ARHGEF40: variants seen among roughly 807,000 people sequenced by gnomAD.
ARHGEF40 encodes the protein Rho guanine nucleotide exchange factor 40.
A neutral mutation model predicts 165.9 loss-of-function variants in ARHGEF40; 98 were observed. The observed-to-expected ratio is 0.59, with a 90% CI of 0.50 to 0.70. The LOEUF is 0.70. Among genes scored for constraint, ARHGEF40 ranks in the 30% least tolerant of loss-of-function variants. ARHGEF40 has a pLI of 0.00. For missense variants in ARHGEF40, 1,815 were observed against 1,968.0 expected, an observed-to-expected ratio of 0.92 and a Z score of 1.47; for synonymous variants, 792 against 814.3, an observed-to-expected ratio of 0.97 and a Z score of 0.47.
At position 21,081,721 on chromosome 14, in the gene ARHGEF40, G is replaced by A. The variant is rs1887918159; in HGVS notation, c.2853G>A (p.Arg951=). The part of the protein sequence containing the change: ...CQARCQELER[R]IQQHVGEEAS... ...CCCGCTGCCAAGAGCTAGAGAGGAG[G>A]ATCCAGCAACACGTGGGAGAGGAGG... The change falls in exon 14 of 24, where the codon AGG becomes AGA. Residue 951 remains arginine, a synonymous_variant. Coordinates refer to ENST00000298694, the MANE Select transcript of ARHGEF40 (RefSeq NM_018071.5). The A allele has an allele frequency of 6.3e-6, 10 of 1,577,606 alleles. No individual in the cohort carries two copies. Among genetic ancestry groups the A allele is most frequent in the Non-Finnish European group, 8.6e-6 (10 of 1,161,794 alleles).
At chr14:21,071,144 C>T (rs1039839004) in intron 1 of ARHGEF40, among the ~76,000 whole-genome samples, 1 of 152,254 alleles carries the variant, frequency 6.6e-6, no homozygotes, top group Non-Finnish European at 1.5e-5. Flanking sequence ...GAACACGAGC[C>T]GGAGCTCCCT....
At position 21,073,250 on chromosome 14, in the gene ARHGEF40, G is replaced by T; in HGVS notation, c.201+8G>T. The T allele has an allele frequency of 6.3e-7, 1 of 1,595,142 alleles. No homozygotes were observed. The highest frequency in any genetic ancestry group is 8.5e-7 in the Non-Finnish European group (1 of 1,171,260). ...GTCCAGCAGGAAGCCTGTGTGAGTG[G>T]CCGTGCATCACTATTCTGCCTTCCC... On this transcript the variant is annotated splice_region_variant and intron_variant, in intron 2 of 23. Coordinates refer to ENST00000298694, the MANE Select transcript of ARHGEF40 (RefSeq NM_018071.5). This position sits in a 1 kb window ranked among gnomAD's most constrained non-coding sequence, Gnocchi z 4.6.
At chr14:21,081,381 GA>G (rs1887879453) in intron 13 of ARHGEF40, 127 bp from the exon 14 acceptor site, 3 of 1,337,726 alleles carry the variant, frequency 2.2e-6, no homozygotes, top group African/African-American at 1.5e-5. Context: ...GGAACAGTGA[GA>G]AAACAGGAGA....
At chr14:21,071,760 C>T (rs1427627985) in intron 1 of ARHGEF40, among the ~76,000 whole-genome samples, 1 of 152,218 alleles carries the variant, frequency 6.6e-6, no homozygotes. Flanking sequence ...TGCCTCACCC[C>T]CGCCCATCTC....
rs570345137 is a variant in ARHGEF40, at chr14:21,077,167, C to T, written c.2034+277C>T. Among the ~76,000 whole-genome samples, 172 of 152,156 alleles carry T rather than the reference C, an allele frequency of 1.1e-3. 5 individuals are homozygous for T. In the South Asian group the frequency reaches 0.032, roughly 29 times the overall value. ...TCACCCAGGCTGGAGTGCAATGCTT[C>T]GATCACAGCTTACTGCAGCCTCGAC... On this transcript the variant is annotated intron_variant, in intron 8 of 23. Coordinates refer to ENST00000298694, the MANE Select transcript of ARHGEF40 (RefSeq NM_018071.5).
chr14:21,073,904 G>C lies in ARHGEF40; in HGVS notation c.202-28G>C. 6.4e-7 allele frequency: 1 copy of C among 1,571,026 alleles called. No homozygotes were observed. The highest frequency in any genetic ancestry group is 8.6e-7 in the Non-Finnish European group (1 of 1,163,456). Reference sequence around the variant, plus strand: ...CTGCTGGTTTCTTCAGCAGAGGCCTGAGTGCAGCCTCCCACCTCTCTCCCC... The same window carrying C: ...CTGCTGGTTTCTTCAGCAGAGGCCTCAGTGCAGCCTCCCACCTCTCTCCCC... On this transcript the variant is annotated intron_variant, in intron 2 of 23. Transcript: ENST00000298694. This position sits in a 1 kb window ranked among gnomAD's most constrained non-coding sequence, Gnocchi z 4.6.
In ARHGEF40 at chr14:21,085,737, T is replaced by A; in HGVS notation, c.4009T>A (p.Phe1337Ile). The change falls in exon 19 of 24, where the codon TTT becomes ATT. Residue 1337 changes from phenylalanine to isoleucine, a missense_variant. Coordinates refer to ENST00000298694, the MANE Select transcript of ARHGEF40 (RefSeq NM_018071.5). The stretch of plus-strand genomic sequence containing the variant: ...AAACATCGGGGACAGCGGACTCTGC[T>A]TTGAGTTGTGGTTTCGGCGGCGGCG... The part of the protein sequence containing the change: ...TENIGDSGLC[F>I]ELWFRRRRAR... 3.7e-6 allele frequency: 6 copies of A among 1,614,204 alleles called. No individual in the cohort carries two copies. The highest frequency in any genetic ancestry group is 5.1e-6 in the Non-Finnish European group (6 of 1,180,036).
At position 21,070,547 on chromosome 14, in the gene ARHGEF40, G is replaced by A. The variant is rs1187057127; in HGVS notation, c.3+148G>A. 4 of 1,029,708 alleles carry A rather than the reference G, an allele frequency of 3.9e-6. No homozygotes were observed. The highest frequency in any genetic ancestry group is 1.6e-5 in the African/African-American group (1 of 61,758). 63.8% of individuals were successfully genotyped at this position (1,029,708 alleles called of 1,614,324 possible). On this transcript the variant is annotated intron_variant, in intron 1 of 23. Transcript: ENST00000298694. The surrounding 1 kb of genome is among the most constrained non-coding windows in gnomAD (Gnocchi z 4.7). ...TCCTCCCTCCCATCCCCCCTTCTTC[G>A]ATTTGTCTGTCTGCCCGACTGTTTA... is the stretch of plus-strand genomic sequence containing the variant.
At position 21,075,553 on chromosome 14, in the gene ARHGEF40, G is replaced by T. The variant is rs768499095; in HGVS notation, c.1618+54G>T. ...ACAGGACTGGGAAAGAGAAGCAATTGGGTGGGCTTGGGGACTGGGGGAGGC... is the reference window on the plus strand; with the variant it reads ...ACAGGACTGGGAAAGAGAAGCAATTTGGTGGGCTTGGGGACTGGGGGAGGC... On this transcript the variant is annotated intron_variant, in intron 4 of 23. Coordinates refer to ENST00000298694, the MANE Select transcript of ARHGEF40 (RefSeq NM_018071.5). This position sits in a 1 kb window ranked among gnomAD's most constrained non-coding sequence, Gnocchi z 4.5. 2 of 1,613,990 alleles carry T rather than the reference G, an allele frequency of 1.2e-6. No individual in the cohort carries two copies. Among genetic ancestry groups the T allele is most frequent in the Non-Finnish European group, 8.5e-7 (1 of 1,180,004 alleles).
In ARHGEF40 at chr14:21,079,356, C is replaced by T. The variant is rs557349780; in HGVS notation, c.2373+346C>T. ...AATAATAAAAGTCTATTGATACCAG[C>T]TCATTAGTTATACTGCCACACACAC... On this transcript the variant is annotated intron_variant, in intron 11 of 23. Transcript: ENST00000298694. Among the ~76,000 whole-genome samples, 38 of 152,294 alleles carry T rather than the reference C, an allele frequency of 2.5e-4. 1 individual carries two copies. The highest frequency in any genetic ancestry group is 6.5e-4 in the Admixed American group (10 of 15,294).
At position 21,073,029 on chromosome 14, in the gene ARHGEF40, G is replaced by A; in HGVS notation, c.4-16G>A. 6.2e-7 allele frequency: 1 copy of A among 1,610,888 alleles called. No homozygotes were observed. Among genetic ancestry groups the A allele is most frequent in the South Asian group, 1.1e-5 (1 of 90,984 alleles). On this transcript the variant is annotated splice_polypyrimidine_tract_variant and intron_variant, in intron 1 of 23. Transcript: ENST00000298694. This position sits in a 1 kb window ranked among gnomAD's most constrained non-coding sequence, Gnocchi z 4.6. ...GGTGATCTCTAGGGATCTGTAGCCTGGTCCTATCTCTACAGGAGCCTGAGC... is the reference window on the plus strand; with the variant it reads ...GGTGATCTCTAGGGATCTGTAGCCTAGTCCTATCTCTACAGGAGCCTGAGC...
chr14:21,085,934 G>A (rs1888301804), intron 19 of ARHGEF40, 68 bp downstream of exon 19: 1 of 1,551,686 alleles, frequency 6.4e-7, no homozygotes, highest in Non-Finnish European at 8.8e-7. Flanking sequence ...TCTGGAGAGT[G>A]TGCGAACTGC....
At position 21,081,670 on chromosome 14, in the gene ARHGEF40, C is replaced by T. The variant is rs1289221349; in HGVS notation, c.2802C>T (p.Ala934=). The change falls in exon 14 of 24, where the codon GCC becomes GCT. Residue 934 remains alanine (A), a synonymous_variant. Transcript: ENST00000298694. ...ALALDLGSPA[A]LREWGRCQAR... ...CCCTGGACCTGGGCAGCCCAGCAGC[C>T]CTGCGAGAATGGGGCCGCTGCCAGG... 2 of 1,599,338 alleles carry T rather than the reference C, an allele frequency of 1.3e-6. No homozygotes were observed. The highest frequency in any genetic ancestry group is 1.7e-6 in the Non-Finnish European group (2 of 1,173,488).
intron 8 of ARHGEF40, 67 bp from the exon 9 acceptor site, chr14:21,078,110 C>A: frequency 1.4e-6 from 2 of 1,460,620 alleles, no homozygotes; most frequent in Non-Finnish European, 9.2e-7. Flanking sequence ...TACCGCACCC[C>A]AACCCTAGGG....
chr14:21,081,979 C>A lies in ARHGEF40; in HGVS notation c.3111C>A (p.Ile1037=), dbSNP rs765330515. 3 of 1,591,780 alleles carry A rather than the reference C, an allele frequency of 1.9e-6. No individual in the cohort carries two copies. Among genetic ancestry groups the A allele is most frequent in the Non-Finnish European group, 2.6e-6 (3 of 1,169,058 alleles). ...AEGRPPRAVL[I]RGLEVTSTEV... ...GCAGGCCCCCAAGAGCTGTGCTGAT[C>A]CGAGGCCTGGAGGTCACCAGCACTG... The change falls in exon 14 of 24, where the codon ATC becomes ATA. Residue 1037 remains isoleucine, a synonymous_variant. Transcript: ENST00000298694.
chr14:21,074,600 G>A lies in ARHGEF40; in HGVS notation c.870G>A (p.Met290Ile), dbSNP rs1358808310. Residue 290 changes from methionine (M) to isoleucine (I), a missense_variant, in exon 3 of 24, where the codon ATG (methionine) becomes ATA (isoleucine). Coordinates refer to ENST00000298694, the MANE Select transcript of ARHGEF40 (RefSeq NM_018071.5). This position sits in a 1 kb window ranked among gnomAD's most constrained non-coding sequence, Gnocchi z 4.8. The stretch of plus-strand genomic sequence containing the variant: ...GCCACCGGAGACACCGGGCGTGGAT[G>A]CACCAGAAGGGCCTGGGGCCTCGGG... The part of the protein sequence containing the change: ...KGRHRRHRAW[M>I]HQKGLGPRGQ... 1.9e-6 allele frequency: 3 copies of A among 1,567,036 alleles called. No individual in the cohort carries two copies. The highest frequency in any genetic ancestry group is 2.6e-6 in the Non-Finnish European group (3 of 1,156,922).
upstream of ARHGEF40, among the ~76,000 whole-genome samples, chr14:21,069,719 C>G (rs1458668660): frequency 1.3e-5 from 2 of 151,876 alleles, no homozygotes; most frequent in Admixed American, 6.5e-5. Flanking sequence ...GGCGGGCAAG[C>G]CCCCGGGGGG....
chr14:21,082,478 C>T lies in ARHGEF40; in HGVS notation c.3486C>T (p.His1162=), dbSNP rs770143134. The T allele has an allele frequency of 1.8e-5, 29 of 1,575,120 alleles. No homozygotes were observed. Among genetic ancestry groups the T allele is most frequent in the Admixed American group, 5.3e-5 (3 of 56,096 alleles). Residue 1162 remains histidine (H), a splice_region_variant and synonymous_variant, in exon 15 of 24, where the codon CAC becomes CAT. Coordinates refer to ENST00000298694, the MANE Select transcript of ARHGEF40 (RefSeq NM_018071.5). ...PLRIGACFLR[H]GDQFSLYAQY... is the part of the protein sequence containing the mutation. Reference sequence around the variant, plus strand: ...GCATTGGGGCCTGCTTCCTTCGCCACGTGAGTGATCCCCTCAACTTCTTCC... The same window carrying T: ...GCATTGGGGCCTGCTTCCTTCGCCATGTGAGTGATCCCCTCAACTTCTTCC...
Position 21,075,164 on chromosome 14 carries a change from C to A in ARHGEF40, c.1434C>A (p.Gly478=), listed in dbSNP as rs1887304290. 1 of 1,602,570 alleles carries A rather than the reference C, an allele frequency of 6.2e-7. No individual in the cohort carries two copies. Reference sequence around the variant, plus strand: ...GAGAGAGAGAGCTGGAGGGGCCAGGCCTGCTGTGTATGGCAGGTGAGATGA... The same window carrying A: ...GAGAGAGAGAGCTGGAGGGGCCAGGACTGCTGTGTATGGCAGGTGAGATGA... ...GAGERELEGP[G]LLCMAGHTGP... is the part of the protein sequence containing the mutation. The change falls in exon 3 of 24, where the codon GGC becomes GGA. Residue 478 remains glycine (G), a synonymous_variant. Transcript: ENST00000298694. This position sits in a 1 kb window ranked among gnomAD's most constrained non-coding sequence, Gnocchi z 4.5.
Sources: allele counts gnomAD v4.1 joint callset (sites outside exome capture counted in the v4.1 genomes callset), GRCh38; gene constraint gnomAD v4.1.1; non-coding constraint Gnocchi (gnomAD v3.1); transcripts MANE v1.5; gene names NCBI Gene and HGNC (gene_info 2026-07-23, HGNC 2026-07-21).